The following GALNT13 variants were observed in gnomAD, a reference collection of about 807,000 sequenced individuals.
GALNT13 encodes the protein UDP-GalNAc:polypeptide N-acetylgalactosaminyltransferase 13.
In GALNT13, 28 loss-of-function variants were observed where a neutral mutation model predicts 64.2. The ratio of observed to expected loss-of-function variants is 0.44; its 90% CI spans 0.32 to 0.60. GALNT13 has a LOEUF of 0.60. Among genes scored for constraint, GALNT13 ranks in the 20% least tolerant of loss-of-function variants. The pLI is 0.05. For synonymous variants in GALNT13, 214 were observed against 224.6 expected, an observed-to-expected ratio of 0.95 and a Z score of 0.42; for missense variants, 577 against 669.8, an observed-to-expected ratio of 0.86 and a Z score of 1.53.
At chr2:153,647,004 G>A in the GALNT13 span, among the ~76,000 whole-genome samples, 1 of 152,098 alleles carries the variant, frequency 6.6e-6, no homozygotes, top group Admixed American at 6.5e-5. Flanking sequence ...GGGTCAAATG[G>A]TATTTCTAGT....
the GALNT13 span, among the ~76,000 whole-genome samples, chr2:153,592,370 A>C: frequency 6.6e-6 from 1 of 152,190 alleles, no homozygotes; most frequent in Admixed American, 6.5e-5. Flanking sequence ...AGTATATCAA[A>C]ATGATACTTG....
At chr2:153,200,634 C>T in the GALNT13 span, among the ~76,000 whole-genome samples, 1 of 152,116 alleles carries the variant, frequency 6.6e-6, no homozygotes, top group African/African-American at 2.4e-5. Context: ...ACAGGAAATG[C>T]TTGTGGGATG....
intron 3 of GALNT13, among the ~76,000 whole-genome samples, chr2:154,001,355 G>T (rs569528310): frequency 6.6e-6 from 1 of 151,270 alleles, no homozygotes; most frequent in Non-Finnish European, 1.5e-5. Context: ...TTCTTTTTTT[G>T]ATCCTTACTA....
the GALNT13 span, among the ~76,000 whole-genome samples, chr2:153,254,001 T>G: frequency 6.6e-6 from 1 of 152,156 alleles, no homozygotes; most frequent in South Asian, 2.1e-4. Flanking sequence ...TTAGGACAGA[T>G]TCCCTCTTTT....
chr2:153,565,119 C>T, the GALNT13 span, among the ~76,000 whole-genome samples: 4 of 152,254 alleles, frequency 2.6e-5, no homozygotes, highest in South Asian at 8.3e-4. Context: ...TGTGCCTTGA[C>T]TACTGACCTA....
chr2:153,366,293 A>G, the GALNT13 span, among the ~76,000 whole-genome samples: 612 of 152,114 alleles, frequency 4.0e-3, 3 homozygotes, highest in African/African-American at 0.012. Flanking sequence ...TAATGCATGC[A>G]TGATTTAAAA....
chr2:153,718,102 C>T, the GALNT13 span, among the ~76,000 whole-genome samples: 1 of 151,940 alleles, frequency 6.6e-6, no homozygotes, highest in Non-Finnish European at 1.5e-5. Flanking sequence ...TTGGTGTTCT[C>T]ACTTAATTAA....
the GALNT13 span, among the ~76,000 whole-genome samples, chr2:153,453,522 A>G: frequency 6.6e-6 from 1 of 152,206 alleles, no homozygotes; most frequent in Non-Finnish European, 1.5e-5. Context: ...AAAATGCTCT[A>G]CATCACTAAT....
At chr2:153,254,266 G>A in the GALNT13 span, among the ~76,000 whole-genome samples, 20 of 152,130 alleles carry the variant, frequency 1.3e-4, no homozygotes, top group African/African-American at 4.6e-4. Flanking sequence ...AGAGGTATTT[G>A]TAGTATTCTC....
the GALNT13 span, among the ~76,000 whole-genome samples, chr2:153,582,301 A>G: frequency 6.6e-6 from 1 of 151,674 alleles, no homozygotes; most frequent in Non-Finnish European, 1.5e-5. Context: ...CTCAAGAGTA[A>G]ATTCAGACTT....
At chr2:153,821,440 T>C in the GALNT13 span, among the ~76,000 whole-genome samples, 1 of 152,052 alleles carries the variant, frequency 6.6e-6, no homozygotes, top group African/African-American at 2.4e-5. Context: ...CAAGAAGATA[T>C]CTCAAAACCA....
intron 11 of GALNT13, among the ~76,000 whole-genome samples, chr2:154,421,133 T>G (rs982982404): frequency 2.0e-5 from 3 of 151,976 alleles, no homozygotes; most frequent in African/African-American, 7.2e-5. Context: ...TAATACTTTA[T>G]CCCGGGAAGA....
At chr2:153,892,615 G>A (rs1687627880) in intron 1 of GALNT13, among the ~76,000 whole-genome samples, 5 of 151,912 alleles carry the variant, frequency 3.3e-5, no homozygotes. Flanking sequence ...TTTTTACAGT[G>A]TAGTATAAGC....
chr2:154,407,004 A>C (rs547204472), intron 10 of GALNT13, among the ~76,000 whole-genome samples: 1 of 152,258 alleles, frequency 6.6e-6, no homozygotes, highest in South Asian at 2.1e-4. Context: ...GTATTTCTTA[A>C]TTTGTCAAAG....
the GALNT13 span, among the ~76,000 whole-genome samples, chr2:153,503,824 C>G: frequency 1.3e-3 from 195 of 152,262 alleles, no homozygotes; most frequent in African/African-American, 4.4e-3. Context: ...AATGTGATGC[C>G]TCCAGATTTG....
chr2:154,267,101 AT>A (rs1691050291), intron 8 of GALNT13, among the ~76,000 whole-genome samples: 1 of 152,280 alleles, frequency 6.6e-6, no homozygotes, highest in Non-Finnish European at 1.5e-5. Context: ...TAGAGAAAGA[AT>A]AGTAGTTTCA....
chr2:153,643,620 A>G, the GALNT13 span, among the ~76,000 whole-genome samples: 12 of 151,930 alleles, frequency 7.9e-5, no homozygotes, highest in Non-Finnish European at 1.6e-4. Context: ...TTATTCTGAG[A>G]TATTAACATC....
chr2:153,375,381 C>G, the GALNT13 span, among the ~76,000 whole-genome samples: 1 of 152,062 alleles, frequency 6.6e-6, no homozygotes, highest in Non-Finnish European at 1.5e-5. Flanking sequence ...CTTTAGGAGA[C>G]TACTTGGTCA....
chr2:153,448,745 C>G, the GALNT13 span, among the ~76,000 whole-genome samples: 3 of 152,134 alleles, frequency 2.0e-5, no homozygotes, highest in Admixed American at 2.0e-4. Flanking sequence ...GGACCCCTTA[C>G]TATCTCAGGG....
Sources: gnomAD v4.1 joint callset for allele counts (sites outside exome capture counted in the v4.1 genomes callset) on GRCh38, gnomAD v4.1.1 for gene constraint, MANE v1.5 for transcripts, NCBI Gene and HGNC (gene_info 2026-07-23, HGNC 2026-07-21) for gene names.